The following DAB1 variants were observed in gnomAD, a reference collection of about 807,000 sequenced individuals.
DAB1 encodes disabled homolog 1.
Under a neutral mutation model 64.6 loss-of-function variants are expected in DAB1, and 15 were observed. The observed-to-expected ratio is 0.23, with a 90% confidence interval of 0.16 to 0.36. The LOEUF is 0.36. Among genes scored for constraint, DAB1 ranks in the 10% least tolerant of loss-of-function variants. The pLI, the probability that DAB1 is intolerant of heterozygous loss-of-function variation, is 1.00. For synonymous variants in DAB1, 235 were observed against 251.9 expected (o/e 0.93, Z 0.64); for missense variants, 596 against 706.7 (o/e 0.84, Z 1.78).
At chr1:58,214,845 C>T (rs1466499296) in intron 4 of DAB1, among the ~76,000 whole-genome samples, 1 of 152,176 alleles carries the variant, frequency 6.6e-6, no homozygotes, top group African/African-American at 2.4e-5. Flanking sequence ...TTGGGGCAGG[C>T]CACTGTGGCC....
chr1:58,012,228 A>T (rs994280870), intron 5 of DAB1, among the ~76,000 whole-genome samples: 2 of 152,138 alleles, frequency 1.3e-5, no homozygotes, highest in Non-Finnish European at 2.9e-5. Context: ...AGAACATCTG[A>T]GTTCTGGGCC....
intron 2 of DAB1, among the ~76,000 whole-genome samples, chr1:57,150,732 T>G (rs1435903108): frequency 6.6e-6 from 1 of 151,876 alleles, no homozygotes; most frequent in African/African-American, 2.4e-5. Context: ...TTTCAAGAGG[T>G]AGGGAAGAAG....
intron 2 of DAB1, among the ~76,000 whole-genome samples, chr1:57,224,879 C>G (rs936518267): frequency 1.3e-5 from 2 of 152,158 alleles, no homozygotes; most frequent in African/African-American, 4.8e-5. Flanking sequence ...GGCCCCCAGA[C>G]CTCTGAGGAG....
At chr1:58,491,301 A>T (rs975210742) in intron 3 of DAB1, among the ~76,000 whole-genome samples, 9 of 152,182 alleles carry the variant, frequency 5.9e-5, no homozygotes, top group African/African-American at 2.2e-4. Flanking sequence ...TACCAGCCGC[A>T]GCAAAAACAT....
At chr1:58,265,871 T>C (rs1661147297) in intron 4 of DAB1, among the ~76,000 whole-genome samples, 1 of 152,204 alleles carries the variant, frequency 6.6e-6, no homozygotes. Context: ...GATTTCCTCA[T>C]AAATGACTCA....
At chr1:57,998,984 T>C (rs1416352168) in intron 5 of DAB1, among the ~76,000 whole-genome samples, 1 of 152,220 alleles carries the variant, frequency 6.6e-6, no homozygotes, top group Non-Finnish European at 1.5e-5. Context: ...AGAGGATTTA[T>C]TAATAAGCAC....
intron 4 of DAB1, among the ~76,000 whole-genome samples, chr1:58,323,854 G>A (rs1462091421): frequency 6.6e-6 from 1 of 151,342 alleles, no homozygotes; most frequent in Non-Finnish European, 1.5e-5. Context: ...GAATCTGGGA[G>A]GTGGAGCTTG....
chr1:57,966,197 A>C (rs1352016322), intron 5 of DAB1, among the ~76,000 whole-genome samples: 1 of 152,194 alleles, frequency 6.6e-6, no homozygotes, highest in Non-Finnish European at 1.5e-5. Context: ...TTGATCAGAT[A>C]GCTTAAGGAG....
intron 1 of DAB1, among the ~76,000 whole-genome samples, chr1:57,336,067 G>A (rs193171326): frequency 6.6e-6 from 1 of 152,176 alleles, no homozygotes. Flanking sequence ...TGGCATTAAC[G>A]CAGTTGTGCA....
At chr1:57,639,642 C>T (rs1646104033) in intron 7 of DAB1, among the ~76,000 whole-genome samples, 1 of 152,242 alleles carries the variant, frequency 6.6e-6, no homozygotes, top group Non-Finnish European at 1.5e-5. Context: ...AGCAGGTATG[C>T]CCTCTTTCAT....
intron 3 of DAB1, among the ~76,000 whole-genome samples, chr1:58,396,470 G>A (rs755058632): frequency 2.0e-5 from 3 of 152,086 alleles, no homozygotes; most frequent in Admixed American, 6.5e-5. Context: ...GGAGGGAGGA[G>A]GGAAAGGAGA....
intron 4 of DAB1, among the ~76,000 whole-genome samples, chr1:58,253,116 T>G (rs929744574): frequency 1.3e-5 from 2 of 152,188 alleles, no homozygotes; most frequent in Non-Finnish European, 2.9e-5. Context: ...AGATCTGACT[T>G]CGAACCTCTC....
chr1:58,017,839 G>A (rs1646762506), intron 5 of DAB1, among the ~76,000 whole-genome samples: 2 of 152,200 alleles, frequency 1.3e-5, no homozygotes, highest in African/African-American at 4.8e-5. Context: ...GCCCCTCTAG[G>A]TGGGGCTGGA....
chr1:58,131,596 CT>C (rs1173243124), intron 5 of DAB1, among the ~76,000 whole-genome samples: 3 of 134,112 alleles, frequency 2.2e-5, no homozygotes, highest in South Asian at 2.7e-4. Context: ...GTTTTATCTA[CT>C]TTTGGTCTTT....
intron 5 of DAB1, among the ~76,000 whole-genome samples, chr1:58,076,521 G>A (rs1016864621): frequency 6.6e-6 from 1 of 152,226 alleles, no homozygotes; most frequent in East Asian, 1.9e-4. Flanking sequence ...CATGTACTAA[G>A]TGCCATGCTA....
chr1:57,733,415 T>C (rs973492001), intron 6 of DAB1, among the ~76,000 whole-genome samples: 2 of 152,200 alleles, frequency 1.3e-5, no homozygotes, highest in Admixed American at 6.5e-5. Flanking sequence ...CTAACAATTC[T>C]GACATGCTGT....
At chr1:58,298,683 C>G (rs1662047910) in intron 4 of DAB1, among the ~76,000 whole-genome samples, 1 of 152,210 alleles carries the variant, frequency 6.6e-6, no homozygotes, top group African/African-American at 2.4e-5. Flanking sequence ...AGGACTAGAA[C>G]TGAGCCAAAC....
At chr1:57,851,518 T>C (rs181437198) in intron 1 of DAB1, among the ~76,000 whole-genome samples, 140 of 152,340 alleles carry the variant, frequency 9.2e-4, no homozygotes, top group Admixed American at 4.4e-3. Flanking sequence ...AGTCTTGGCA[T>C]AGCTGCAGGG....
intron 5 of DAB1, among the ~76,000 whole-genome samples, chr1:58,082,424 A>T (rs916888287): frequency 3.7e-5 from 3 of 80,852 alleles, no homozygotes; most frequent in Admixed American, 1.1e-4. Flanking sequence ...AAACTTAAAT[A>T]AAAAAAAAAA....
Sources: allele counts gnomAD v4.1 joint callset (sites outside exome capture counted in the v4.1 genomes callset), GRCh38; gene constraint gnomAD v4.1.1; transcripts MANE v1.5; gene names NCBI Gene and HGNC (gene_info 2026-07-23, HGNC 2026-07-21).